Variants in PTPRN2 observed in about 807,000 individuals in gnomAD.
The protein encoded by PTPRN2 is protein tyrosine phosphatase receptor type N2.
In PTPRN2, 74 loss-of-function variants were observed where a neutral mutation model predicts 118.8. That is an observed-to-expected ratio of 0.62 (90% CI 0.52 to 0.76). The LOEUF (loss-of-function observed/expected upper bound fraction) is 0.76. Among genes scored for constraint, PTPRN2 ranks in the 30% least tolerant of loss-of-function variants. The pLI is 0.00. For synonymous variants in PTPRN2, 641 were observed against 608.0 expected (o/e 1.05, Z -0.80); for missense variants, 1,481 against 1,394.4 (o/e 1.06, Z -0.99).
intron 12 of PTPRN2, among the ~76,000 whole-genome samples, chr7:157,859,947 C>T (rs1420980605): frequency 1.1e-3 from 154 of 136,394 alleles, no homozygotes; most frequent in Non-Finnish European, 1.8e-3. Flanking sequence ...AGGGAGAGCC[C>T]CCCAGCCACT....
intron 6 of PTPRN2, among the ~76,000 whole-genome samples, chr7:158,155,676 T>TCATCAC (rs1234190091): frequency 3.3e-5 from 5 of 150,664 alleles, no homozygotes; most frequent in African/African-American, 1.2e-4. Context: ...ACCAGTGCCA[T>TCATCAC]CATCACCATC....
intron 6 of PTPRN2, among the ~76,000 whole-genome samples, chr7:158,142,709 CA>C (rs1819504049): frequency 6.6e-6 from 1 of 152,178 alleles, no homozygotes; most frequent in African/African-American, 2.4e-5. Flanking sequence ...CTTCCAGCAA[CA>C]AACTCAGGAA....
At chr7:158,153,493 T>A (rs1344869945) in intron 6 of PTPRN2, among the ~76,000 whole-genome samples, 2 of 152,158 alleles carry the variant, frequency 1.3e-5, no homozygotes, top group Non-Finnish European at 2.9e-5. Flanking sequence ...CCATGGGGTC[T>A]GAGCCCACAG....
Position 157,780,662 on chromosome 7 carries a change from C to A in PTPRN2, c.1789-97725G>T, listed in dbSNP as rs1180241812. ...CAGTTTCCCTGTTTGCACAATGGGG[C>A]TTCACCCATTTCGCAGGGTGGTCAC... On this transcript the variant is annotated intron_variant, in intron 12 of 22. Coordinates refer to ENST00000389418, the MANE Select transcript of PTPRN2 (RefSeq NM_002847.5). This position sits in a 1 kb window ranked among gnomAD's most constrained non-coding sequence, Gnocchi z 4.5. Among the ~76,000 whole-genome samples the A allele has an allele frequency of 2.0e-5, 3 of 152,354 alleles. No homozygotes were observed. The highest frequency in any genetic ancestry group is 7.2e-5 in the African/African-American group (3 of 41,586).
chr7:158,209,368 T>C (rs974849569), intron 3 of PTPRN2, among the ~76,000 whole-genome samples: 1 of 151,960 alleles, frequency 6.6e-6, no homozygotes, highest in African/African-American at 2.4e-5. Flanking sequence ...AGATAATCCG[T>C]GCAAATGGAA....
At chr7:157,978,902 G>A (rs1425708593) in intron 11 of PTPRN2, among the ~76,000 whole-genome samples, 1 of 152,014 alleles carries the variant, frequency 6.6e-6, no homozygotes, top group East Asian at 1.9e-4. Context: ...ACATCCCCTG[G>A]GCCTTCCTGG....
intron 10 of PTPRN2, among the ~76,000 whole-genome samples, chr7:158,092,693 C>T (rs1814293837): frequency 6.6e-6 from 1 of 152,108 alleles, no homozygotes; most frequent in South Asian, 2.1e-4. Context: ...CAAACAAAAT[C>T]ATAATGATTT....
intron 2 of PTPRN2, among the ~76,000 whole-genome samples, chr7:158,453,628 G>A (rs1818245227): frequency 1.4e-5 from 2 of 145,778 alleles, no homozygotes; most frequent in South Asian, 2.2e-4. Flanking sequence ...CAGGAAAGAG[G>A]GGCAGGATCT....
intron 11 of PTPRN2, among the ~76,000 whole-genome samples, chr7:158,037,707 T>C (rs1459944980): frequency 1.3e-5 from 2 of 152,248 alleles, no homozygotes; most frequent in African/African-American, 2.4e-5. Context: ...AACTAAACTA[T>C]ACATTAAATC....
At position 158,015,729 on chromosome 7, in the gene PTPRN2, G is replaced by C. The variant is rs1806403174; in HGVS notation, c.1723+65569C>G. Among the ~76,000 whole-genome samples, 1 of 152,208 alleles carries C rather than the reference G, an allele frequency of 6.6e-6. No individual in the cohort carries two copies. The highest frequency in any genetic ancestry group is 1.5e-5 in the Non-Finnish European group (1 of 68,040). On this transcript the variant is annotated intron_variant, in intron 11 of 22. Transcript: ENST00000389418. This position sits in a 1 kb window ranked among gnomAD's most constrained non-coding sequence, Gnocchi z 4.2. ...CAATTAAGCAACCAGCTATTATTAGGAGTTCAAAACAAATCACAAACATGT... is the reference window on the plus strand; with the variant it reads ...CAATTAAGCAACCAGCTATTATTAGCAGTTCAAAACAAATCACAAACATGT...
intron 11 of PTPRN2, among the ~76,000 whole-genome samples, chr7:158,013,714 T>C (rs1189683414): frequency 7.7e-6 from 1 of 129,566 alleles, no homozygotes; most frequent in Non-Finnish European, 1.7e-5. Flanking sequence ...CATCCATCCA[T>C]CCAGCCAGCC....
chr7:158,492,102 A>G (rs1445443223), intron 1 of PTPRN2, among the ~76,000 whole-genome samples: 1 of 152,200 alleles, frequency 6.6e-6, no homozygotes, highest in Non-Finnish European at 1.5e-5. Flanking sequence ...CTCAGCTGTG[A>G]GGGCCCCTCC....
In PTPRN2 at chr7:158,053,876, G is replaced by C. The variant is rs138407802; in HGVS notation, c.1723+27422C>G. ...AGACTCCAGAGACGCAGAGACCCCA[G>C]AGATGCAGAGACCCCAGAGATGCAG... On this transcript the variant is annotated intron_variant, in intron 11 of 22. Coordinates refer to ENST00000389418, the MANE Select transcript of PTPRN2 (RefSeq NM_002847.5). Among the ~76,000 whole-genome samples, 986 of 148,936 alleles carry C rather than the reference G, an allele frequency of 6.6e-3. 12 individuals carry two copies. Among genetic ancestry groups the C allele is most frequent in the African/African-American group, 0.023 (918 of 39,992 alleles).
intron 12 of PTPRN2, among the ~76,000 whole-genome samples, chr7:157,692,361 T>G (rs1056211555): frequency 6.6e-6 from 1 of 152,158 alleles, no homozygotes; most frequent in African/African-American, 2.4e-5. Flanking sequence ...ACTCTGGCGC[T>G]GCCCCTAGAC....
At chr7:158,008,624 C>T (rs774730054) in intron 11 of PTPRN2, among the ~76,000 whole-genome samples, 5 of 152,256 alleles carry the variant, frequency 3.3e-5, no homozygotes, top group Admixed American at 1.3e-4. Context: ...CCAAAAGCAG[C>T]AGCCTGCCCC....
chr7:157,691,424 G>C (rs1399653772), intron 12 of PTPRN2, among the ~76,000 whole-genome samples: 5 of 152,098 alleles, frequency 3.3e-5, no homozygotes, highest in Admixed American at 2.0e-4. Flanking sequence ...GTTGCCGTTC[G>C]GGCCTTTTTG....
intron 1 of PTPRN2, among the ~76,000 whole-genome samples, chr7:158,530,617 G>T (rs1563402418): frequency 6.6e-6 from 1 of 152,218 alleles, no homozygotes; most frequent in Admixed American, 6.5e-5. Context: ...GTGAGAGCGT[G>T]TGCCTGTGAG....
At chr7:158,222,347 G>A (rs1585891126) in intron 3 of PTPRN2, among the ~76,000 whole-genome samples, 1 of 152,130 alleles carries the variant, frequency 6.6e-6, no homozygotes. Flanking sequence ...ATGATGGACT[G>A]GAAAAAGAAA....
chr7:158,101,995 T>C lies in PTPRN2; in HGVS notation c.1643+8834A>G, dbSNP rs77356772. On this transcript the variant is annotated intron_variant, in intron 10 of 22. Transcript: ENST00000389418. ...AGGATCTGCTCACAGTGAGCAGCCA[T>C]GGAGCTTGCAGCTGACCCTGGGGCC... Among the ~76,000 whole-genome samples, 680 of 152,256 alleles carry C rather than the reference T, an allele frequency of 4.5e-3. 5 individuals are homozygous for C. The highest frequency in any genetic ancestry group is 0.015 in the African/African-American group (640 of 41,556).
Sources: gnomAD v4.1 joint callset for allele counts (sites outside exome capture counted in the v4.1 genomes callset) on GRCh38, gnomAD v4.1.1 for gene constraint, Gnocchi (gnomAD v3.1) non-coding constraint, MANE v1.5 for transcripts, NCBI Gene and HGNC (gene_info 2026-07-23, HGNC 2026-07-21) for gene names.